The following TBC1D21 variants were observed in gnomAD, a reference collection of about 807,000 sequenced individuals.
The protein encoded by TBC1D21 is male germ cell Rab GTPase-activating protein.
Under a neutral mutation model 46.0 loss-of-function variants are expected in TBC1D21, and 38 were observed. That is an observed-to-expected ratio of 0.83 (90% CI 0.64 to 1.08). The LOEUF is 1.08. TBC1D21 is among the 50% of genes least tolerant of loss of function. The probability of loss-of-function intolerance (pLI) is 0.00; values close to 1 mark genes in which losing one functional copy is unlikely to be tolerated. For missense variants in TBC1D21, 415 were observed against 417.9 expected (o/e 0.99, Z 0.06); for synonymous variants, 151 against 157.2 (o/e 0.96, Z 0.29).
In TBC1D21 at chr15:73,889,049, C is replaced by T. The variant is rs780320712; in HGVS notation, c.979-20C>T. The T allele has an allele frequency of 1.5e-5, 24 of 1,613,184 alleles. No individual in the cohort carries two copies. Among genetic ancestry groups the T allele is most frequent in the Middle Eastern group, 3.3e-4 (2 of 6,082 alleles). On this transcript the variant is annotated intron_variant, in intron 10 of 10. Transcript: ENST00000300504. ...GGGACAGACCAATGTCTGTGCACCT[C>T]CCACCTGCCTCCTCCCTAGGTTCCT...
the TBC1D21 span, among the ~76,000 whole-genome samples, chr15:73,909,429 T>C: frequency 6.6e-6 from 1 of 152,242 alleles, no homozygotes; most frequent in South Asian, 2.1e-4. Flanking sequence ...TAATAAATGC[T>C]AGCTACTAGC....
intron 1 of TBC1D21, among the ~76,000 whole-genome samples, chr15:73,875,245 TCA>T (rs2068038134): frequency 2.0e-5 from 1 of 48,924 alleles, no homozygotes. Flanking sequence ...TGAGACTCCA[TCA>T]AAAAAAAAAA....
At chr15:73,882,982 C>T (rs1231527089) in intron 3 of TBC1D21, among the ~76,000 whole-genome samples, 2 of 152,230 alleles carry the variant, frequency 1.3e-5, no homozygotes, top group African/African-American at 4.8e-5. Flanking sequence ...TGGGCCCTCT[C>T]CTGACCTTGC....
chr15:73,896,371 TG>T, the TBC1D21 span, among the ~76,000 whole-genome samples: 1 of 96,846 alleles, frequency 1.0e-5, no homozygotes, highest in African/African-American at 3.2e-5. Flanking sequence ...ATGATGACAA[TG>T]GCAGGTCGTG....
At chr15:73,877,514 TAAAAA>T (rs541803630) in intron 1 of TBC1D21, among the ~76,000 whole-genome samples, 1,132 of 72,740 alleles carry the variant, frequency 0.016, 6 homozygotes, top group African/African-American at 0.051. Context: ...TCCAGAAAAC[TAAAAA>T]AAAAAAAAAA....
At chr15:73,907,172 C>A in the TBC1D21 span, among the ~76,000 whole-genome samples, 2 of 152,048 alleles carry the variant, frequency 1.3e-5, no homozygotes, top group Non-Finnish European at 2.9e-5. Context: ...CAGTCTGAGC[C>A]CTCACTCCCC....
chr15:73,882,484 C>T (rs2068173171), intron 3 of TBC1D21, among the ~76,000 whole-genome samples: 1 of 152,148 alleles, frequency 6.6e-6, no homozygotes, highest in African/African-American at 2.4e-5. Context: ...CAGTAGCCCA[C>T]CCTTCCTTCA....
At chr15:73,902,579 G>A in the TBC1D21 span, among the ~76,000 whole-genome samples, 2 of 152,166 alleles carry the variant, frequency 1.3e-5, no homozygotes, top group South Asian at 2.1e-4. Flanking sequence ...CACCATGCTC[G>A]ATGGTGGCAC....
intron 1 of TBC1D21, among the ~76,000 whole-genome samples, chr15:73,876,553 C>T (rs1034272736): frequency 1.3e-5 from 2 of 151,900 alleles, no homozygotes; most frequent in African/African-American, 4.8e-5. Context: ...GAAGCAGTGA[C>T]TTTTTATAAA....
At position 73,884,242 on chromosome 15, in the gene TBC1D21, A is replaced by T. The variant is rs370676512; in HGVS notation, c.364A>T (p.Ile122Phe). 6.2e-7 allele frequency: 1 copy of T among 1,614,026 alleles called. No homozygotes were observed. Among genetic ancestry groups the T allele is most frequent in the Admixed American group, 1.7e-5 (1 of 60,028 alleles). ...HRNFTETRNN[I>F]ARDIQKIYDK... ...GAACTTCACAGAGACTCGCAATAACATTGGTGAGCAAAGTGGGGTGGAGAG... is the reference window on the plus strand; with the variant it reads ...GAACTTCACAGAGACTCGCAATAACTTTGGTGAGCAAAGTGGGGTGGAGAG... The change falls in exon 4 of 11, where the codon ATT becomes TTT. Residue 122 changes from isoleucine to phenylalanine, a missense_variant. Transcript: ENST00000300504.
intron 1 of TBC1D21, among the ~76,000 whole-genome samples, chr15:73,880,442 A>G (rs528699351): frequency 1.2e-4 from 19 of 152,256 alleles, no homozygotes; most frequent in African/African-American, 4.1e-4. Context: ...TTTTCCTGTG[A>G]TCAAAGCAGT....
intron 7 of TBC1D21, 116 bp downstream of exon 7, chr15:73,886,290 T>C: frequency 3.0e-6 from 3 of 998,594 alleles, no homozygotes; most frequent in Non-Finnish European, 4.6e-6. Context: ...AATCATTTGA[T>C]TGCTTCTCCA....
Position 73,888,579 on chromosome 15 carries a change from CTCT to C in TBC1D21, c.978+69_978+71del, listed in dbSNP as rs879058863. On this transcript the variant is annotated intron_variant, in intron 10 of 10. Transcript: ENST00000300504. ...CCTCCTCCTCTTCCTCCTCCTCCTC[CTCT>C]TCCTCCTCCTCCTCCTCCTCCTCTT... 5.1e-5 allele frequency: 53 copies of C among 1,034,284 alleles called. No individual in the cohort carries two copies. The African/African-American group carries it at 5.6e-4, about 11-fold the overall frequency. The allele number at this position is 1,034,284 out of a possible 1,614,324, so 64.1% of individuals were successfully genotyped here. A position where few individuals can be genotyped will look rare whatever the true frequency, so the allele number is the denominator to read the frequency against.
chr15:73,874,345 T>C (rs983571495), intron 1 of TBC1D21, among the ~76,000 whole-genome samples: 2 of 152,264 alleles, frequency 1.3e-5, no homozygotes, highest in African/African-American at 4.8e-5. Flanking sequence ...TGGCAAATTA[T>C]CACCAGGCCT....
chr15:73,901,598 G>C, the TBC1D21 span, among the ~76,000 whole-genome samples: 1 of 152,202 alleles, frequency 6.6e-6, no homozygotes, highest in Non-Finnish European at 1.5e-5. Flanking sequence ...CACTGGGTTT[G>C]AGTCATGGTG....
At chr15:73,882,239 C>T (rs1440939420) in intron 3 of TBC1D21, among the ~76,000 whole-genome samples, 1 of 152,178 alleles carries the variant, frequency 6.6e-6, no homozygotes, top group East Asian at 1.9e-4. Flanking sequence ...AGATGAAACA[C>T]TCCCAGTGGT....
At chr15:73,886,664 G>T (rs1477477872) in intron 8 of TBC1D21, 52 bp downstream of exon 8, 1 of 1,547,484 alleles carries the variant, frequency 6.5e-7, no homozygotes. Flanking sequence ...ATCAGGCAGA[G>T]TGGAAGCTGC....
At chr15:73,884,546 G>T (rs983823293) in intron 4 of TBC1D21, among the ~76,000 whole-genome samples, 1 of 152,190 alleles carries the variant, frequency 6.6e-6, no homozygotes, top group Non-Finnish European at 1.5e-5. Flanking sequence ...AAGGGTGGGG[G>T]AGGACATTCC....
At position 73,884,213 on chromosome 15, in the gene TBC1D21, A is replaced by G. The variant is rs1383313131; in HGVS notation, c.335A>G (p.His112Arg). The change falls in exon 4 of 11, where the codon CAC (histidine) becomes CGC (arginine). Residue 112 changes from histidine to arginine, a missense_variant. Physicochemically the swap from His to Arg is conservative, Grantham distance 29. Transcript: ENST00000300504. Reference sequence around the variant, plus strand: ...ATTCAGCCCCTTCTGGAAAACCTGCACCGGAACTTCACAGAGACTCGCAAT... The same window carrying G: ...ATTCAGCCCCTTCTGGAAAACCTGCGCCGGAACTTCACAGAGACTCGCAAT... ...EKIQPLLENL[H>R]RNFTETRNNI... 6.2e-7 allele frequency: 1 copy of G among 1,614,106 alleles called. No individual in the cohort carries two copies. Among genetic ancestry groups the G allele is most frequent in the East Asian group, 2.2e-5 (1 of 44,888 alleles).
Sources: allele counts gnomAD v4.1 joint callset (sites outside exome capture counted in the v4.1 genomes callset), GRCh38; gene constraint gnomAD v4.1.1; transcripts MANE v1.5; gene names NCBI Gene and HGNC (gene_info 2026-07-23, HGNC 2026-07-21).